Variants in SORCS1 observed in about 807,000 individuals in gnomAD.
SORCS1 encodes the protein sortilin related VPS10 domain containing receptor 1.
SORCS1 carries 60 observed loss-of-function variants against 146.1 expected under a neutral mutation model. The observed-to-expected ratio is 0.41, with a 90% CI of 0.33 to 0.51. SORCS1 has a LOEUF of 0.51. SORCS1 is among the 20% of genes least tolerant of loss of function. SORCS1 has a pLI of 0.21. For missense variants in SORCS1, 1,352 were observed against 1,487.6 expected (o/e 0.91, Z 1.50); for synonymous variants, 637 against 584.0 (o/e 1.09, Z -1.31).
chr10:107,147,086 A>G (rs1375601627), intron 1 of SORCS1, among the ~76,000 whole-genome samples: 1 of 152,138 alleles, frequency 6.6e-6, no homozygotes, highest in African/African-American at 2.4e-5. Context: ...TTAATTGATA[A>G]CCCCAGCAAC....
intron 1 of SORCS1, among the ~76,000 whole-genome samples, chr10:107,077,937 C>A (rs989269827): frequency 6.6e-6 from 1 of 152,054 alleles, no homozygotes; most frequent in African/African-American, 2.4e-5. Context: ...TCAGGAAAAT[C>A]TTTTTCACTG....
intron 1 of SORCS1, among the ~76,000 whole-genome samples, chr10:107,032,092 G>A (rs887563092): frequency 4.6e-5 from 7 of 152,098 alleles, no homozygotes; most frequent in African/African-American, 1.7e-4. Flanking sequence ...CAGCCTTACT[G>A]CTTCTCTGTG....
At chr10:106,897,324 C>T (rs1015200652) in intron 2 of SORCS1, among the ~76,000 whole-genome samples, 1 of 152,174 alleles carries the variant, frequency 6.6e-6, no homozygotes, top group South Asian at 2.1e-4. Context: ...GCCACCATAC[C>T]TGGCCCCCAA....
intron 17 of SORCS1, among the ~76,000 whole-genome samples, chr10:106,662,546 A>C (rs1850812775): frequency 1.3e-5 from 2 of 152,158 alleles, no homozygotes; most frequent in South Asian, 4.1e-4. Flanking sequence ...ATTCCTTTGC[A>C]CTTCATCCCA....
chr10:106,667,855 A>G, intron 16 of SORCS1, 53 bp from the exon 17 acceptor site: 1 of 1,342,212 alleles, frequency 7.5e-7, no homozygotes, highest in Non-Finnish European at 1.1e-6. Flanking sequence ...AATTACTGAA[A>G]ACAATTCTAC....
At chr10:106,764,996 C>T (rs140075853) in intron 4 of SORCS1, among the ~76,000 whole-genome samples, 3,344 of 136,432 alleles carry the variant, frequency 0.025, 85 homozygotes, top group East Asian at 0.11. Context: ...GCACTCCAGC[C>T]TGGGCAACAG....
At chr10:106,699,172 G>A (rs770414315) in intron 9 of SORCS1, 42 bp downstream of exon 9, 1 of 1,529,776 alleles carries the variant, frequency 6.5e-7, no homozygotes, top group South Asian at 1.3e-5. Context: ...CAGCCAGCTG[G>A]GCACTGCTGT....
At chr10:107,031,135 A>G (rs1188987243) in intron 1 of SORCS1, among the ~76,000 whole-genome samples, 1 of 152,222 alleles carries the variant, frequency 6.6e-6, no homozygotes, top group African/African-American at 2.4e-5. Flanking sequence ...AAATTAGACA[A>G]AAAAAGTCAG....
chr10:106,765,389 C>T (rs536680206), intron 4 of SORCS1, among the ~76,000 whole-genome samples: 72 of 151,648 alleles, frequency 4.7e-4, no homozygotes, highest in Middle Eastern at 3.4e-3. Context: ...TTTTTTAAGA[C>T]ATCTTTCACA....
At chr10:107,169,579 T>C (rs892980584), upstream of SORCS1, among the ~76,000 whole-genome samples, 13 of 152,206 alleles carry the variant, frequency 8.5e-5, no homozygotes, top group Non-Finnish European at 1.3e-4. Flanking sequence ...CCGTTGGAGA[T>C]AACAAAACTA....
Position 106,666,553 on chromosome 10 carries a change from TC to T in SORCS1, c.2303+1135del, listed in dbSNP as rs774115816. ...GCCAATTCTTTACAATAAATCTCTC[TC>T]TTTTTTTTTTTTTTTTTCTTGAGAC... On this transcript the variant is annotated intron_variant, in intron 17 of 25. Transcript: ENST00000263054. 7.6e-4 allele frequency among the ~76,000 whole-genome samples: 100 copies of T among 131,108 alleles called. 1 individual carries two copies. The highest frequency in any genetic ancestry group is 2.4e-3 in the African/African-American group (74 of 31,188). The allele number at this position is 131,108 out of a possible 152,430, so 86.0% of individuals were successfully genotyped here.
At chr10:106,781,985 G>A (rs1449582205) in intron 3 of SORCS1, among the ~76,000 whole-genome samples, 1 of 152,186 alleles carries the variant, frequency 6.6e-6, no homozygotes, top group Non-Finnish European at 1.5e-5. Flanking sequence ...GTAAGAAGAT[G>A]GAAATGACAC....
chr10:106,600,545 T>A (rs1377127369), intron 23 of SORCS1: 1 of 985,246 alleles, frequency 1.0e-6, no homozygotes, highest in Non-Finnish European at 1.2e-6. Context: ...CCACACCACT[T>A]GTAGAAGTGT....
intron 3 of SORCS1, among the ~76,000 whole-genome samples, chr10:106,822,574 T>C (rs549118660): frequency 6.6e-6 from 1 of 152,278 alleles, no homozygotes; most frequent in South Asian, 2.1e-4. Context: ...ATATTTTTAA[T>C]GTTCAGGAAG....
chr10:106,750,915 C>A (rs1839869061), intron 5 of SORCS1, among the ~76,000 whole-genome samples: 2 of 149,586 alleles, frequency 1.3e-5, no homozygotes, highest in African/African-American at 4.9e-5. Flanking sequence ...AAAAAATCAG[C>A]TGGGCGTGGT....
chr10:106,588,650 A>G (rs986253715), intron 24 of SORCS1, among the ~76,000 whole-genome samples: 2 of 151,900 alleles, frequency 1.3e-5, no homozygotes, highest in African/African-American at 4.8e-5. Flanking sequence ...TCACGAGGTC[A>G]GGAGATCGAG....
chr10:106,722,132 C>CACACAT (rs1456110570), intron 6 of SORCS1, among the ~76,000 whole-genome samples: 1,714 of 151,456 alleles, frequency 0.011, 33 homozygotes, highest in African/African-American at 0.04. Flanking sequence ...CACACACACA[C>CACACAT]ACACACACAC....
rs566195350 is a variant in SORCS1, at chr10:106,935,527, T to C, written c.626+20986A>G. Among the ~76,000 whole-genome samples the C allele has an allele frequency of 5.3e-5, 8 of 152,194 alleles. No homozygotes were observed. The East Asian group carries it at 9.7e-4, about 18-fold the overall frequency. Reference sequence around the variant, plus strand: ...TTTTAAAAAAAATTCCTAGAAGAAATAGGAACAGCAATGTTTTATCATTAG... The same window carrying C: ...TTTTAAAAAAAATTCCTAGAAGAAACAGGAACAGCAATGTTTTATCATTAG... On this transcript the variant is annotated intron_variant, in intron 2 of 25. Coordinates refer to ENST00000263054, the MANE Select transcript of SORCS1 (RefSeq NM_052918.5).
chr10:106,832,504 G>C (rs1221175167), intron 2 of SORCS1, among the ~76,000 whole-genome samples: 1 of 151,932 alleles, frequency 6.6e-6, no homozygotes, highest in African/African-American at 2.4e-5. Flanking sequence ...TCCACTCTTG[G>C]TGTTTTGTCT....
Sources: allele counts gnomAD v4.1 joint callset (sites outside exome capture counted in the v4.1 genomes callset), GRCh38; gene constraint gnomAD v4.1.1; transcripts MANE v1.5; gene names NCBI Gene and HGNC (gene_info 2026-07-23, HGNC 2026-07-21).